The following DNAJB11 variants were observed in gnomAD, a reference collection of about 807,000 sequenced individuals.
DNAJB11 encodes the protein dnaJ homolog subfamily B member 11.
A neutral mutation model predicts 47.2 loss-of-function variants in DNAJB11; 30 were observed. The observed-to-expected ratio is 0.64, with a 90% CI of 0.48 to 0.86. The LOEUF (loss-of-function observed/expected upper bound fraction) is 0.86. Among genes scored for constraint, DNAJB11 ranks in the 40% least tolerant of loss-of-function variants. The probability of loss-of-function intolerance (pLI) is 0.00; values close to 1 mark genes in which losing one functional copy is unlikely to be tolerated. For synonymous variants in DNAJB11, 151 were observed against 159.9 expected (o/e 0.94, Z 0.42); for missense variants, 357 against 440.2 (o/e 0.81, Z 1.69).
chr3:186,575,389 G>A (rs13095654), intron 2 of DNAJB11, among the ~76,000 whole-genome samples: 2 of 138,662 alleles, frequency 1.4e-5, no homozygotes, highest in African/African-American at 5.0e-5. Context: ...GTGTGTGTGT[G>A]TGTCTGTGTG....
chr3:186,571,317 G>A (rs111825700), intron 1 of DNAJB11, among the ~76,000 whole-genome samples: 55 of 152,322 alleles, frequency 3.6e-4, no homozygotes, highest in African/African-American at 1.3e-3. Context: ...AAAGAGGGAT[G>A]CCTGACTGTA....
chr3:186,584,320 CT>C lies in DNAJB11; in HGVS notation c.853-105del, dbSNP rs1431432134. The C allele has an allele frequency of 6.2e-6, 7 of 1,126,860 alleles. 1 individual carries two copies. The South Asian group carries it at 1.4e-4, about 22-fold the overall frequency. The allele number at this position is 1,126,860 out of a possible 1,614,324, so 69.8% of individuals were successfully genotyped here. The stretch of plus-strand genomic sequence containing the variant: ...TATTTCCTTTGCTCCTTCATTCTTT[CT>C]TTTTGCTGAGCTGTGACATTAGCTT... On this transcript the variant is annotated intron_variant, in intron 8 of 9. Transcript: ENST00000265028.
intron 3 of DNAJB11, among the ~76,000 whole-genome samples, chr3:186,576,967 A>G (rs892046320): frequency 3.3e-5 from 5 of 152,196 alleles, no homozygotes; most frequent in African/African-American, 1.2e-4. Context: ...TCTTAATAAC[A>G]CCAAAAATTA....
intron 3 of DNAJB11, among the ~76,000 whole-genome samples, chr3:186,576,347 T>A (rs1450599918): frequency 6.6e-6 from 1 of 152,172 alleles, no homozygotes; most frequent in Non-Finnish European, 1.5e-5. Context: ...TGAGGGTGAT[T>A]ATAATAACCA....
intron 4 of DNAJB11, chr3:186,581,069 T>G: frequency 7.8e-6 from 2 of 256,038 alleles, no homozygotes; most frequent in South Asian, 6.7e-5. Flanking sequence ...TCAGTAGCAT[T>G]TAGTTGTGGC....
chr3:186,576,035 G>A, intron 3 of DNAJB11, 98 bp downstream of exon 3: 1 of 794,328 alleles, frequency 1.3e-6, no homozygotes, highest in Middle Eastern at 2.3e-4. Flanking sequence ...AACTTTTGAT[G>A]AACAGTACAA....
chr3:186,576,404 C>T (rs970473192), intron 3 of DNAJB11, among the ~76,000 whole-genome samples: 2 of 152,182 alleles, frequency 1.3e-5, no homozygotes, highest in Non-Finnish European at 2.9e-5. Flanking sequence ...CTCTTGCTTT[C>T]TGGGAGTGCT....
At chr3:186,571,844 A>G (rs1437252471) in intron 1 of DNAJB11, among the ~76,000 whole-genome samples, 2 of 152,222 alleles carry the variant, frequency 1.3e-5, no homozygotes, top group Non-Finnish European at 2.9e-5. Flanking sequence ...GAAAAGTGCC[A>G]CAGATGTTTT....
chr3:186,582,161 T>A, intron 6 of DNAJB11, 84 bp downstream of exon 6: 3 of 1,009,418 alleles, frequency 3.0e-6, no homozygotes, highest in Non-Finnish European at 4.6e-6. Context: ...CCTGCCTTAC[T>A]CCATCTTAAT....
In DNAJB11 at chr3:186,577,740, T is replaced by A. The variant is rs1715348641; in HGVS notation, c.396T>A (p.Ser132Arg). The change falls in exon 4 of 10, where the codon AGT becomes AGA. Residue 132 changes from serine (S) to arginine (R), a missense_variant. By Grantham distance (110) the Ser-to-Arg change is moderately radical. Coordinates refer to ENST00000265028, the MANE Select transcript of DNAJB11 (RefSeq NM_016306.6). The stretch of plus-strand genomic sequence containing the variant: ...AAGACAGAAATATTCCAAGAGGAAG[T>A]GATATTATTGTAGATCTAGAAGTCA... ...RQQDRNIPRG[S>R]DIIVDLEVTL... 2 of 1,609,136 alleles carry A rather than the reference T, an allele frequency of 1.2e-6. No individual in the cohort carries two copies. Among genetic ancestry groups the A allele is most frequent in the Non-Finnish European group, 8.5e-7 (1 of 1,177,942 alleles).
chr3:186,577,300 C>G (rs1325935614), intron 3 of DNAJB11, among the ~76,000 whole-genome samples: 1 of 152,158 alleles, frequency 6.6e-6, no homozygotes, highest in East Asian at 1.9e-4. Context: ...ATACTATACT[C>G]TTTCTCAATA....
chr3:186,582,834 C>A, intron 7 of DNAJB11, 61 bp downstream of exon 7: 1 of 1,221,250 alleles, frequency 8.2e-7, no homozygotes, highest in Non-Finnish European at 1.2e-6. Context: ...CGTAGGTGGC[C>A]ACCAGAGCAG....
chr3:186,581,232 AGCTTTAG>A (rs1436095398), intron 4 of DNAJB11, 132 bp from the exon 5 acceptor site: 4 of 952,272 alleles, frequency 4.2e-6, no homozygotes, highest in Non-Finnish European at 6.2e-6. Context: ...GAGTTTTGTC[AGCTTTAG>A]ATCTCTGAGG....
At chr3:186,580,537 T>C (rs919077677) in intron 4 of DNAJB11, 1 of 152,192 alleles carries the variant, frequency 6.6e-6, no homozygotes, top group Non-Finnish European at 1.5e-5. Flanking sequence ...GAGGGTTAAA[T>C]GAATATGTAA....
At chr3:186,579,382 G>T (rs1715406225) in intron 4 of DNAJB11, 1 of 152,068 alleles carries the variant, frequency 6.6e-6, no homozygotes, top group South Asian at 2.1e-4. Flanking sequence ...TAACCCATCT[G>T]CTGTGTTTTA....
intron 4 of DNAJB11, chr3:186,579,137 T>G (rs1160264053): frequency 6.6e-6 from 1 of 152,378 alleles, no homozygotes; most frequent in East Asian, 1.9e-4. Context: ...TTCACCTATA[T>G]TTTCTGCTAA....
intron 1 of DNAJB11, among the ~76,000 whole-genome samples, chr3:186,571,325 G>C (rs1715044542): frequency 6.6e-6 from 1 of 152,226 alleles, no homozygotes; most frequent in African/African-American, 2.4e-5. Context: ...ATGCCTGACT[G>C]TAAGGAAAGA....
At chr3:186,584,115 C>T (rs1715585195) in intron 8 of DNAJB11, 139 bp downstream of exon 8, 3 of 686,148 alleles carry the variant, frequency 4.4e-6, no homozygotes, top group Non-Finnish European at 7.6e-6. Flanking sequence ...ACTTACTCTG[C>T]TGCTGAGCAT....
In DNAJB11 at chr3:186,581,440, C is replaced by T. The variant is rs1181730890; in HGVS notation, c.526C>T (p.Arg176Trp). ...KRKCNCRQEMRTTQLGPGRFQ... is the reference protein window; with the variant it reads ...KRKCNCRQEMWTTQLGPGRFQ... ...GAAGTGCAATTGTCGGCAAGAGATG[C>T]GGACCACCCAGCTGGGCCCTGGGCG... is the stretch of plus-strand genomic sequence containing the variant. Residue 176 changes from arginine to tryptophan, a missense_variant, in exon 5 of 10, where the codon CGG becomes TGG. Physicochemically the swap from Arg to Trp is moderately radical, Grantham distance 101 (BLOSUM62 -3). Transcript: ENST00000265028. The T allele has an allele frequency of 2.5e-6, 4 of 1,613,806 alleles. No homozygotes were observed. The highest frequency in any genetic ancestry group is 1.3e-5 in the African/African-American group (1 of 74,920).
Sources: gnomAD v4.1 joint callset for allele counts (sites outside exome capture counted in the v4.1 genomes callset) on GRCh38, gnomAD v4.1.1 for gene constraint, MANE v1.5 for transcripts, NCBI Gene and HGNC (gene_info 2026-07-23, HGNC 2026-07-21) for gene names.